The following MIAT variants were observed in gnomAD, a reference collection of about 807,000 sequenced individuals.
MIAT encodes the protein MI related novel mRNA.
exon 5 of MIAT, chr22:26,675,084 C>T (rs565063966): frequency 1.6e-4 from 64 of 398,736 alleles, no homozygotes; most frequent in African/African-American, 1.2e-3. Context: ...ACCATTTGGT[C>T]TTCAGGAGCT....
chr22:26,669,226 T>C, exon 6 of MIAT: 2 of 398,772 alleles, frequency 5.0e-6, no homozygotes, highest in East Asian at 3.6e-5. Context: ...GATGTCCTTT[T>C]TCCCAGAATG....
At chr22:26,675,349 T>A (rs1258776269) in exon 5 of MIAT, 1 of 398,618 alleles carries the variant, frequency 2.5e-6, no homozygotes, top group African/African-American at 2.1e-5. Flanking sequence ...CCGGGTCTGG[T>A]TGCCAAGAAG....
chr22:26,673,392 T>G (rs1330395999), downstream of MIAT: 7 of 398,934 alleles, frequency 1.8e-5, no homozygotes, highest in Non-Finnish European at 3.1e-5. Flanking sequence ...AATCCCTGCC[T>G]CACCCTGACT....
downstream of MIAT, chr22:26,671,051 C>T: frequency 7.5e-6 from 3 of 398,258 alleles, no homozygotes; most frequent in Non-Finnish European, 1.3e-5. Context: ...GTCTACTAAG[C>T]ACGGTTGTCA....
At chr22:26,648,942 A>AGAGAGG (rs1253105025) in intron 2 of MIAT, among the ~76,000 whole-genome samples, 1 of 151,874 alleles carries the variant, frequency 6.6e-6, no homozygotes, top group Non-Finnish European at 1.5e-5. Flanking sequence ...AGAGAGAGAG[A>AGAGAGG]GAGAGAGAGA....
chr22:26,667,353 TGC>T lies in MIAT; in HGVS notation n.2262+45_2262+46del, dbSNP rs1555949593. ...GGAGCAGTGTGTGTGTGTGTGTGTG[TGC>T]GTGTGCACATGTGTGTGCATGCCTG... On this transcript the variant is annotated intron_variant and non_coding_transcript_variant, in intron 5 of 5. Transcript: ENST00000643270. 6 of 395,758 alleles carry T rather than the reference TGC, an allele frequency of 1.5e-5. No homozygotes were observed. In the South Asian group the frequency reaches 3.9e-4, roughly 26 times the overall value. The allele number at this position is 395,758 out of a possible 1,614,324, so 24.5% of individuals were successfully genotyped here. A position where few individuals can be genotyped will look rare whatever the true frequency, so the allele number is the denominator to read the frequency against.
exon 5 of MIAT, chr22:26,675,715 AAC>A (rs549935533): frequency 2.0e-5 from 8 of 398,554 alleles, no homozygotes; most frequent in Non-Finnish European, 3.1e-5. Flanking sequence ...GATCAGGGGA[AAC>A]ACAGTCATAG....
chr22:26,664,964 T>C (rs1930791205), intron 3 of MIAT, among the ~76,000 whole-genome samples: 1 of 152,074 alleles, frequency 6.6e-6, no homozygotes, highest in African/African-American at 2.4e-5. Flanking sequence ...TGGACAGGTG[T>C]GGTGGCTCAT....
chr22:26,653,161 A>G (rs1020711610), intron 2 of MIAT, among the ~76,000 whole-genome samples: 1 of 152,232 alleles, frequency 6.6e-6, no homozygotes, highest in African/African-American at 2.4e-5. Context: ...ACAGATGGGC[A>G]AAATGAGGGC....
In MIAT at chr22:26,659,663, C is replaced by T. The variant is rs370324217; in HGVS notation, n.647-3653C>T. On this transcript the variant is annotated intron_variant and non_coding_transcript_variant, in intron 2 of 5. Transcript: ENST00000643270. Reference sequence around the variant, plus strand: ...GCCAAGCCTGGGCAACATGGTGAGACCCCTGTCTCTAAAATAAATAAGTAA... The same window carrying T: ...GCCAAGCCTGGGCAACATGGTGAGATCCCTGTCTCTAAAATAAATAAGTAA... Among the ~76,000 whole-genome samples the T allele has an allele frequency of 4.3e-4, 65 of 151,806 alleles. No homozygotes were observed. In the East Asian group the frequency reaches 7.4e-3, roughly 17 times the overall value.
chr22:26,652,823 T>C (rs1930360497), intron 2 of MIAT, among the ~76,000 whole-genome samples: 1 of 152,230 alleles, frequency 6.6e-6, no homozygotes, highest in Admixed American at 6.5e-5. Flanking sequence ...AGAATTCTCC[T>C]GGAAATCTGG....
intron 2 of MIAT, chr22:26,647,463 T>A (rs956824149): frequency 2.6e-6 from 1 of 390,806 alleles, no homozygotes; most frequent in Non-Finnish European, 4.5e-6. Flanking sequence ...TATGTAATTC[T>A]AAACTGAAAT....
chr22:26,673,610 T>G, downstream of MIAT: 2 of 398,882 alleles, frequency 5.0e-6, no homozygotes, highest in Non-Finnish European at 8.8e-6. Context: ...TGTTAACAGC[T>G]TGGATGTCGG....
chr22:26,657,472 G>C (rs1414826494), intron 2 of MIAT: 9 of 398,568 alleles, frequency 2.3e-5, no homozygotes. Context: ...AAATTTCATG[G>C]GCGCTGCAGC....
intron 2 of MIAT, among the ~76,000 whole-genome samples, chr22:26,659,728 A>G (rs1282921464): frequency 1.3e-5 from 2 of 151,664 alleles, no homozygotes; most frequent in Non-Finnish European, 2.9e-5. Flanking sequence ...CGATTTTAAA[A>G]GACAAATTCA....
intron 2 of MIAT, chr22:26,650,611 G>A (rs1460558861): frequency 6.6e-6 from 1 of 152,218 alleles, no homozygotes; most frequent in Non-Finnish European, 1.5e-5. Flanking sequence ...CACACATTTA[G>A]GCGCCACTGG....
At chr22:26,662,583 TCTC>T (rs1017109642) in intron 2 of MIAT, among the ~76,000 whole-genome samples, 19 of 152,142 alleles carry the variant, frequency 1.2e-4, no homozygotes, top group African/African-American at 4.1e-4. Flanking sequence ...GCGCTTTAAT[TCTC>T]CTCTGCAGAA....
exon 5 of MIAT, chr22:26,676,313 C>T: frequency 2.5e-6 from 1 of 398,580 alleles, no homozygotes; most frequent in Non-Finnish European, 4.4e-6. Flanking sequence ...TCATTACCCC[C>T]AGGGGATACC....
At chr22:26,666,205 C>T (rs1930839686) in exon 4 of MIAT, 1 of 398,518 alleles carries the variant, frequency 2.5e-6, no homozygotes, top group Non-Finnish European at 4.4e-6. Flanking sequence ...GAAGACAGCA[C>T]AGTTGTTACC....
Sources: gnomAD v4.1 joint callset for allele counts (sites outside exome capture counted in the v4.1 genomes callset) on GRCh38, gnomAD v4.1.1 for gene constraint, MANE v1.5 for transcripts, NCBI Gene and HGNC (gene_info 2026-07-23, HGNC 2026-07-21) for gene names.